CYB5D2: variants seen among roughly 807,000 people sequenced by gnomAD.
CYB5D2 encodes cytochrome b5 domain containing 2, also known as neuferricin.
Under a neutral mutation model 22.8 loss-of-function variants are expected in CYB5D2, and 23 were observed. The ratio of observed to expected loss-of-function variants is 1.01; its 90% CI spans 0.73 to 1.43. CYB5D2 has a LOEUF of 1.43. Among genes scored for constraint, CYB5D2 ranks in the 40% most tolerant of loss-of-function variants. CYB5D2 has a pLI of 0.00. For synonymous variants in CYB5D2, 170 were observed against 152.2 expected, an observed-to-expected ratio of 1.12 and a Z score of -0.86; for missense variants, 373 against 357.2, an observed-to-expected ratio of 1.04 and a Z score of -0.36.
intron 3 of CYB5D2, among the ~76,000 whole-genome samples, chr17:4,155,957 C>T (rs2059108862): frequency 6.6e-6 from 1 of 152,238 alleles, no homozygotes; most frequent in Non-Finnish European, 1.5e-5. Flanking sequence ...CTGTGTGTGT[C>T]CCATTAGACT....
Position 4,143,680 on chromosome 17 carries a change from C to T in CYB5D2, c.-76C>T, listed in dbSNP as rs2058924172. 2 of 1,520,894 alleles carry T rather than the reference C, an allele frequency of 1.3e-6. No homozygotes were observed. The highest frequency in any genetic ancestry group is 1.8e-6 in the Non-Finnish European group (2 of 1,133,980). 94.2% of individuals were successfully genotyped at this position (1,520,894 alleles called of 1,614,324 possible). A position where few individuals can be genotyped will look rare whatever the true frequency, so the allele number is the denominator to read the frequency against. ...GAGAGCGCGCGCGCCGATGACGTCA[C>T]GCTCGGCGTCTCGGCCATCTTAGCT... is the stretch of plus-strand genomic sequence containing the variant. On this transcript the variant is annotated 5_prime_UTR_variant, in exon 1 of 4. In the 5' UTR this introduces an upstream ATG that the reference lacks. Coordinates refer to ENST00000301391, the MANE Select transcript of CYB5D2 (RefSeq NM_144611.4).
intron 1 of CYB5D2, 128 bp downstream of exon 1, chr17:4,144,133 C>A: frequency 7.5e-7 from 1 of 1,337,718 alleles, no homozygotes; most frequent in Non-Finnish European, 1.0e-6. Context: ...CAAACCCGTG[C>A]GGTGGGCGGG....
Position 4,149,974 on chromosome 17 carries a change from G to A in CYB5D2, c.334G>A (p.Glu112Lys), listed in dbSNP as rs879740482. ...TGACGTATCCGACCTGTCAGCCGCTGAGATGCTGACACTTCACAATTGGCT... is the reference window on the plus strand; with the variant it reads ...TGACGTATCCGACCTGTCAGCCGCTAAGATGCTGACACTTCACAATTGGCT... Reference protein sequence around the residue: ...VDDVSDLSAAEMLTLHNWLSF... With the variant: ...VDDVSDLSAAKMLTLHNWLSF... Residue 112 changes from glutamate (E) to lysine (K), a missense_variant, in exon 2 of 4, where the codon GAG (glutamate) becomes AAG (lysine). By Grantham distance (56) the Glu-to-Lys change is moderately conservative (BLOSUM62 1). Coordinates refer to ENST00000301391, the MANE Select transcript of CYB5D2 (RefSeq NM_144611.4). 6.2e-7 allele frequency: 1 copy of A among 1,613,990 alleles called. No individual in the cohort carries two copies. Among genetic ancestry groups the A allele is most frequent in the African/African-American group, 1.3e-5 (1 of 74,922 alleles).
intron 2 of CYB5D2, among the ~76,000 whole-genome samples, chr17:4,150,754 C>T (rs1417009852): frequency 1.3e-5 from 2 of 152,156 alleles, no homozygotes; most frequent in Admixed American, 1.3e-4. Context: ...GGCGTGGTGG[C>T]ACGCACCTGT....
intron 1 of CYB5D2, among the ~76,000 whole-genome samples, chr17:4,148,566 C>T (rs2059019040): frequency 1.3e-5 from 2 of 149,500 alleles, no homozygotes; most frequent in African/African-American, 2.5e-5. Flanking sequence ...AGGCTGGATG[C>T]GGTGGCTCAC....
At chr17:4,146,707 T>A (rs4567758) in intron 1 of CYB5D2, among the ~76,000 whole-genome samples, 76,162 of 151,014 alleles carry the variant, frequency 0.5, 21,519 homozygotes, top group East Asian at 0.73. Context: ...TTTTTTTTTT[T>A]AGTATAGCCA....
At position 4,147,840 on chromosome 17, in the gene CYB5D2, C is replaced by T. The variant is rs765526124; in HGVS notation, c.251-2051C>T. On this transcript the variant is annotated intron_variant, in intron 1 of 3. Coordinates refer to ENST00000301391, the MANE Select transcript of CYB5D2 (RefSeq NM_144611.4). The stretch of plus-strand genomic sequence containing the variant: ...TGCACTCCAGCCTGGGCAACAAGAG[C>T]GAAACTCTGTCTCAAAAACAAACAA... 2.0e-5 allele frequency among the ~76,000 whole-genome samples: 3 copies of T among 152,050 alleles called. No homozygotes were observed. In the East Asian group the frequency reaches 5.8e-4, roughly 29 times the overall value.
chr17:4,148,540 G>A (rs183282334), intron 1 of CYB5D2, among the ~76,000 whole-genome samples: 1,632 of 149,646 alleles, frequency 0.011, 16 homozygotes, highest in Non-Finnish European at 0.017. Flanking sequence ...AAAAAAAATG[G>A]GGAACTGCAT....
intron 1 of CYB5D2, 27 bp from the exon 2 acceptor site, chr17:4,149,864 G>T (rs2059035087): frequency 6.2e-7 from 1 of 1,605,150 alleles, no homozygotes; most frequent in African/African-American, 1.3e-5. Flanking sequence ...TTTACACCTG[G>T]GTCTGATGGA....
At chr17:4,148,802 C>T (rs928102922) in intron 1 of CYB5D2, among the ~76,000 whole-genome samples, 5 of 152,020 alleles carry the variant, frequency 3.3e-5, no homozygotes, top group Non-Finnish European at 5.9e-5. Context: ...CCAGCCTGGG[C>T]GACGAGCAAA....
chr17:4,148,136 G>A (rs2059013249), intron 1 of CYB5D2, among the ~76,000 whole-genome samples: 1 of 152,132 alleles, frequency 6.6e-6, no homozygotes, highest in Admixed American at 6.5e-5. Context: ...CTTAGATGTG[G>A]GTGGAGACAG....
At chr17:4,144,424 CT>C (rs756413919) in intron 1 of CYB5D2, among the ~76,000 whole-genome samples, 3 of 151,090 alleles carry the variant, frequency 2.0e-5, no homozygotes, top group Non-Finnish European at 3.0e-5. Context: ...CCCAAATAAT[CT>C]TTCTTCCCCC....
At chr17:4,154,639 C>T in intron 2 of CYB5D2, 35 bp from the exon 3 acceptor site, 1 of 1,596,190 alleles carries the variant, frequency 6.3e-7, no homozygotes, top group South Asian at 1.1e-5. Flanking sequence ...GCTGAGTATT[C>T]ACTCTCACTC....
chr17:4,144,114 C>T, intron 1 of CYB5D2, 109 bp downstream of exon 1: 1 of 1,429,934 alleles, frequency 7.0e-7, no homozygotes, highest in East Asian at 2.3e-5. Context: ...ATCCCCACCC[C>T]ACATCCATCA....
intron 1 of CYB5D2, among the ~76,000 whole-genome samples, chr17:4,149,286 T>C (rs1386002062): frequency 1.3e-5 from 2 of 152,172 alleles, no homozygotes; most frequent in Non-Finnish European, 2.9e-5. Context: ...GGACAGTAAT[T>C]GACCCCTAAG....
chr17:4,148,222 G>A (rs535383052), intron 1 of CYB5D2, among the ~76,000 whole-genome samples: 1 of 149,316 alleles, frequency 6.7e-6, no homozygotes, highest in Admixed American at 6.7e-5. Flanking sequence ...TGAAGGAAGT[G>A]TTAGGAACTG....
chr17:4,152,245 T>A (rs888897764), intron 2 of CYB5D2, among the ~76,000 whole-genome samples: 1 of 152,212 alleles, frequency 6.6e-6, no homozygotes, highest in Non-Finnish European at 1.5e-5. Context: ...ACTCATAAGT[T>A]ACGGGTTCCA....
intron 2 of CYB5D2, among the ~76,000 whole-genome samples, chr17:4,153,745 G>A (rs2059082546): frequency 6.6e-6 from 1 of 152,150 alleles, no homozygotes. Flanking sequence ...TGATGGATCC[G>A]ATCAGACAGC....
At position 4,157,381 on chromosome 17, in the gene CYB5D2, T is replaced by G. The variant is rs1361192729; in HGVS notation, c.*299T>G. The G allele has an allele frequency of 1.3e-5, 6 of 458,680 alleles. No homozygotes were observed. In the Admixed American group the frequency reaches 1.8e-4, roughly 14 times the overall value. The allele number at this position is 458,680 out of a possible 1,614,324, so 28.4% of individuals were successfully genotyped here. ...CGGGCACAAATAAGACCAACTCAAT[T>G]TCCACTTGAATTTACAACCAAAAGC... On this transcript the variant is annotated 3_prime_UTR_variant, in exon 4 of 4. Transcript: ENST00000301391. This position sits in a 1 kb window ranked among gnomAD's most constrained non-coding sequence, Gnocchi z 4.4.
Sources: gnomAD v4.1 joint callset for allele counts (sites outside exome capture counted in the v4.1 genomes callset) on GRCh38, gnomAD v4.1.1 for gene constraint, Gnocchi (gnomAD v3.1) non-coding constraint, MANE v1.5 for transcripts, NCBI Gene and HGNC (gene_info 2026-07-23, HGNC 2026-07-21) for gene names.